The following MTCL1 variants were observed in gnomAD, a reference collection of about 807,000 sequenced individuals.
MTCL1 encodes the protein microtubule crosslinking factor 1, also known as microtubule cross-linking factor 1.
A neutral mutation model predicts 141.4 loss-of-function variants in MTCL1; 79 were observed. The ratio of observed to expected loss-of-function variants is 0.56; its 90% CI spans 0.47 to 0.67. MTCL1 has a LOEUF of 0.67. MTCL1 is among the 30% of genes least tolerant of loss of function. The probability of loss-of-function intolerance (pLI) is 0.00; values close to 1 mark genes in which losing one functional copy is unlikely to be tolerated. For missense variants in MTCL1, 2,177 were observed against 2,113.9 expected, an observed-to-expected ratio of 1.03 and a Z score of -0.59; for synonymous variants, 914 against 875.8, an observed-to-expected ratio of 1.04 and a Z score of -0.77.
In MTCL1 at chr18:8,783,896, T is replaced by C. The variant is rs756497311; in HGVS notation, c.784T>C (p.Ser262Pro). 1.5e-5 allele frequency: 25 copies of C among 1,613,138 alleles called. No homozygotes were observed. The highest frequency in any genetic ancestry group is 1.7e-5 in the Non-Finnish European group (20 of 1,180,002). Residue 262 changes from serine to proline, a missense_variant, in exon 6 of 17, where the codon TCA becomes CCA. Ser to Pro is a moderately conservative substitution (Grantham distance 74, BLOSUM62 -1). Coordinates refer to ENST00000359865, the Ensembl canonical transcript of MTCL1. ...GGACCACGCACCCAGCATTCCTACC[T>C]CACCCTTCGGTGACTCCCTGGAGTC...
upstream of MTCL1, among the ~76,000 whole-genome samples, chr18:8,714,830 T>TC (rs2096117009): frequency 1.3e-5 from 2 of 151,890 alleles, no homozygotes; most frequent in African/African-American, 4.8e-5. Flanking sequence ...GGAGTCTCAC[T>TC]CCATCGCCCA....
At chr18:8,724,537 C>T (rs532186046) in intron 4 of MTCL1, among the ~76,000 whole-genome samples, 1 of 152,336 alleles carries the variant, frequency 6.6e-6, no homozygotes, top group Admixed American at 6.5e-5. Context: ...TGAATGTGTA[C>T]ACGATTTCTA....
intron 4 of MTCL1, among the ~76,000 whole-genome samples, chr18:8,761,354 A>C (rs750541272): frequency 1.2e-4 from 18 of 152,238 alleles, no homozygotes; most frequent in Non-Finnish European, 1.5e-4. Context: ...ATAACGTAAA[A>C]GTTACCATTT....
intron 12 of MTCL1, among the ~76,000 whole-genome samples, chr18:8,816,554 C>T (rs2076662315): frequency 6.6e-6 from 1 of 152,132 alleles, no homozygotes; most frequent in Non-Finnish European, 1.5e-5. Context: ...CTACATTTCT[C>T]CTTAGAATTG....
chr18:8,766,294 T>C (rs927526108), intron 4 of MTCL1, among the ~76,000 whole-genome samples: 1 of 152,042 alleles, frequency 6.6e-6, no homozygotes, highest in African/African-American at 2.4e-5. Context: ...GCGCCTGTTG[T>C]GTGAGCTGAT....
At chr18:8,706,461 AGCGCTCCTCGCC>A in exon 1 of MTCL1, 1 of 1,257,408 alleles carries the variant, frequency 8.0e-7, no homozygotes, top group Non-Finnish European at 1.0e-6. Flanking sequence ...CCGAGCCCCC[AGCGCTCCTCGCC>A]GCGCCCCTCG....
Position 8,822,277 on chromosome 18 carries a change from GGGTTGGTTGGTTGGTT to G in MTCL1, c.3188+793_3188+808del, listed in dbSNP as rs368659793. On this transcript the variant is annotated intron_variant, in intron 14 of 16. Coordinates refer to ENST00000359865, the Ensembl canonical transcript of MTCL1. This position sits in a 1 kb window ranked among gnomAD's most constrained non-coding sequence, Gnocchi z 4.6. ...CTCAGGCTCTAGAGCCAAACTGCCT[GGGTTGGTTGGTTGGTT>G]GGTTGGTTGGTTGATTTTTGAAATG... Among the ~76,000 whole-genome samples, 1 of 151,954 alleles carries G rather than the reference GGGTTGGTTGGTTGGTT, an allele frequency of 6.6e-6. No individual in the cohort carries two copies. The highest frequency in any genetic ancestry group is 1.9e-4 in the East Asian group (1 of 5,184).
At chr18:8,786,112 C>CCCCCCCCCCAA in intron 7 of MTCL1, 21 bp downstream of exon 6, 1 of 1,362,934 alleles carries the variant, frequency 7.3e-7, no homozygotes, top group Non-Finnish European at 9.6e-7. Flanking sequence ...GCAAGCAATC[C>CCCCCCCCCCAA]CCCCCCCCCG....
At position 8,759,804 on chromosome 18, in the gene MTCL1, G is replaced by T. The variant is rs143651305; in HGVS notation, c.358-18029G>T. On this transcript the variant is annotated intron_variant, in intron 4 of 16. Coordinates refer to ENST00000359865, the Ensembl canonical transcript of MTCL1. ...AAATGCCAGATCTGGGTCTGCGGGG[G>T]GTCCCAGAGCTTGAAGCGGGATAGA... Among the ~76,000 whole-genome samples the T allele has an allele frequency of 9.2e-3, 1,395 of 152,210 alleles. 24 individuals carry two copies. Among genetic ancestry groups the T allele is most frequent in the African/African-American group, 0.028 (1,168 of 41,528 alleles).
chr18:8,788,107 A>C (rs1006382692), intron 7 of MTCL1, among the ~76,000 whole-genome samples: 3 of 152,200 alleles, frequency 2.0e-5, no homozygotes, highest in African/African-American at 7.2e-5. Context: ...AACAGTACAC[A>C]AAGCTCCCAT....
At position 8,705,825 on chromosome 18, in the gene MTCL1, G is replaced by A. The variant is rs2096056953; in HGVS notation, c.165G>A (p.Arg55=). The A allele has an allele frequency of 4.2e-6, 5 of 1,178,618 alleles. No individual in the cohort carries two copies. Among genetic ancestry groups the A allele is most frequent in the African/African-American group, 3.2e-5 (2 of 62,172 alleles). 73.0% of individuals were successfully genotyped at this position (1,178,618 alleles called of 1,614,324 possible). A position where few individuals can be genotyped will look rare whatever the true frequency, so the allele number is the denominator to read the frequency against. ...CCTTCCTCAAGGACCTGCACGCCCG[G>A]CCCGCCGCGCCCGGCCCGGCCGTCC... The change falls in exon 1 of 14, where the codon CGG becomes CGA. Residue 55 remains arginine (R), a synonymous_variant. Coordinates refer to the MTCL1 transcript ENST00000306329. This position sits in a 1 kb window ranked among gnomAD's most constrained non-coding sequence, Gnocchi z 5.2.
chr18:8,731,185 C>T (rs1418301685), intron 4 of MTCL1, among the ~76,000 whole-genome samples: 1 of 152,072 alleles, frequency 6.6e-6, no homozygotes, highest in Non-Finnish European at 1.5e-5. Context: ...TCAGAGCTTG[C>T]AGTGAGCCAA....
chr18:8,771,084 T>C (rs1422128837), intron 4 of MTCL1, among the ~76,000 whole-genome samples: 1 of 152,162 alleles, frequency 6.6e-6, no homozygotes, highest in East Asian at 1.9e-4. Context: ...AGAGGCTAAT[T>C]AATTCGCATC....
chr18:8,711,791 C>T (rs1283827561), intron 1 of MTCL1, among the ~76,000 whole-genome samples: 1 of 151,602 alleles, frequency 6.6e-6, no homozygotes, highest in African/African-American at 2.4e-5. Flanking sequence ...TGGATATTAG[C>T]CCTTTGTCAG....
chr18:8,803,646 A>G (rs2076197265), intron 10 of MTCL1, among the ~76,000 whole-genome samples: 1 of 152,178 alleles, frequency 6.6e-6, no homozygotes, highest in Admixed American at 6.5e-5. Context: ...AACAGGTACC[A>G]ATAGCATTGA....
At chr18:8,785,484 T>C (rs2096549454) in intron 6 of MTCL1, among the ~76,000 whole-genome samples, 1 of 152,170 alleles carries the variant, frequency 6.6e-6, no homozygotes, top group Non-Finnish European at 1.5e-5. Flanking sequence ...AGGACTGCTG[T>C]CCTAGCCTCG....
chr18:8,798,141 C>T, exon 10 of MTCL1: 1 of 1,595,026 alleles, frequency 6.3e-7, no homozygotes, highest in Non-Finnish European at 8.5e-7. Context: ...AGCTTGGAGT[C>T]CAGGGGGGTC....
At position 8,721,210 on chromosome 18, in the gene MTCL1, G is replaced by A. The variant is rs114873848; in HGVS notation, c.357+714G>A. Among the ~76,000 whole-genome samples the A allele has an allele frequency of 8.0e-3, 1,212 of 152,334 alleles. 18 individuals are homozygous for A. The highest frequency in any genetic ancestry group is 0.028 in the African/African-American group (1,182 of 41,578). ...TGTGTTGAAATTAAAAGCCTTTGGC[G>A]AAGGCTTTAAGCTCACAGTGAATTC... On this transcript the variant is annotated intron_variant, in intron 4 of 16. Transcript: ENST00000359865.
At chr18:8,832,728 G>A (rs1310248658) in exon 17 of MTCL1, 1 of 152,106 alleles carries the variant, frequency 6.6e-6, no homozygotes, top group Non-Finnish European at 1.5e-5. Flanking sequence ...GATGCCTCTG[G>A]GTCTGTATGA....
Sources: allele counts gnomAD v4.1 joint callset (sites outside exome capture counted in the v4.1 genomes callset), GRCh38; gene constraint gnomAD v4.1.1; non-coding constraint Gnocchi (gnomAD v3.1); transcripts MANE v1.5; gene names NCBI Gene and HGNC (gene_info 2026-07-23, HGNC 2026-07-21).